CDH13: variants seen among roughly 807,000 people sequenced by gnomAD.
CDH13 encodes the protein cadherin-13.
CDH13 carries 24 observed loss-of-function variants against 63.8 expected under a neutral mutation model. The observed-to-expected ratio is 0.38, with a 90% CI of 0.27 to 0.53. The LOEUF is 0.53. Ranked by LOEUF, CDH13 falls within the 20% of genes least tolerant of loss-of-function variation. The probability of loss-of-function intolerance (pLI) is 0.85; values close to 1 mark genes in which losing one functional copy is unlikely to be tolerated. For missense variants in CDH13, 1,049 were observed against 903.1 expected (o/e 1.16, Z -2.07); for synonymous variants, 503 against 355.3 (o/e 1.42, Z -4.67).
chr16:83,012,909 T>C (rs1220384874), intron 2 of CDH13, among the ~76,000 whole-genome samples: 1 of 152,182 alleles, frequency 6.6e-6, no homozygotes, highest in Non-Finnish European at 1.5e-5. Flanking sequence ...TTAAAGGCAA[T>C]ACAATACACA....
intron 1 of CDH13, among the ~76,000 whole-genome samples, chr16:82,710,233 T>C (rs1434071110): frequency 6.8e-6 from 1 of 146,680 alleles, no homozygotes; most frequent in East Asian, 1.9e-4. Context: ...ATTCATAAAT[T>C]TATATATAAA....
chr16:82,783,284 A>C (rs1266368171), intron 1 of CDH13, among the ~76,000 whole-genome samples: 3 of 152,224 alleles, frequency 2.0e-5, no homozygotes, highest in Non-Finnish European at 2.9e-5. Flanking sequence ...TCCATAGCCC[A>C]AGCAAGGCTA....
Position 83,268,354 on chromosome 16 carries a change from T to C in CDH13, c.636+50857T>C, listed in dbSNP as rs564815369. 3.9e-5 allele frequency among the ~76,000 whole-genome samples: 6 copies of C among 152,308 alleles called. No individual in the cohort carries two copies. In the East Asian group the frequency reaches 1.2e-3, roughly 29 times the overall value. ...TGTGTAGCCTGAGGGATCTGGCACA[T>C]CCTTAGTTCTTTTCGCACAAATGCT... On this transcript the variant is annotated intron_variant, in intron 5 of 13. Coordinates refer to ENST00000567109, the MANE Select transcript of CDH13 (RefSeq NM_001257.5).
At position 83,136,230 on chromosome 16, in the gene CDH13, T is replaced by A. The variant is rs541914847; in HGVS notation, c.483+10729T>A. ...TGGGCACGGTGGCTCATGCCTGTAA[T>A]CCCAGCACTTTGGGAGGCCGAGGCA... is the stretch of plus-strand genomic sequence containing the variant. On this transcript the variant is annotated intron_variant, in intron 4 of 13. Coordinates refer to ENST00000567109, the MANE Select transcript of CDH13 (RefSeq NM_001257.5). Among the ~76,000 whole-genome samples the A allele has an allele frequency of 6.0e-5, 9 of 149,992 alleles. No homozygotes were observed. The East Asian group carries it at 1.8e-3, about 30-fold the overall frequency.
At chr16:82,701,481 A>G (rs1221873194) in intron 1 of CDH13, among the ~76,000 whole-genome samples, 1 of 152,178 alleles carries the variant, frequency 6.6e-6, no homozygotes, top group African/African-American at 2.4e-5. Flanking sequence ...CTTTCAGGGA[A>G]AAGAAAGGAG....
intron 7 of CDH13, among the ~76,000 whole-genome samples, chr16:83,528,566 A>G (rs1178934348): frequency 3.3e-5 from 5 of 152,188 alleles, no homozygotes; most frequent in Admixed American, 6.5e-5. Flanking sequence ...TATATATTAC[A>G]TAAATCTTAT....
rs59255073 is a variant in CDH13, at chr16:83,349,581, CATTATT to C, written c.781+4599_781+4604del. 2.0e-3 allele frequency among the ~76,000 whole-genome samples: 287 copies of C among 144,854 alleles called. 2 individuals are homozygous for C. Among genetic ancestry groups the C allele is most frequent in the African/African-American group, 6.7e-3 (267 of 39,824 alleles). On this transcript the variant is annotated intron_variant, in intron 6 of 13. Transcript: ENST00000567109. ...AAAGGAAGTCAGACAACTTGAGGTG[CATTATT>C]ATTATTATTATTATTATTATTATCA...
At chr16:83,589,379 A>C (rs1335206379) in intron 7 of CDH13, among the ~76,000 whole-genome samples, 1 of 124,082 alleles carries the variant, frequency 8.1e-6, no homozygotes, top group African/African-American at 3.0e-5. Flanking sequence ...CCTCTCCCCC[A>C]ACACCATCTT....
At chr16:82,642,091 CAAAA>C (rs373359175) in intron 1 of CDH13, among the ~76,000 whole-genome samples, 6 of 110,444 alleles carry the variant, frequency 5.4e-5, no homozygotes, top group Admixed American at 9.7e-5. Context: ...TCATGGAGGG[CAAAA>C]AAAAAAAAAA....
At chr16:83,363,556 T>A (rs1335393648) in intron 6 of CDH13, among the ~76,000 whole-genome samples, 1 of 152,202 alleles carries the variant, frequency 6.6e-6, no homozygotes. Flanking sequence ...GTGAGAGGCA[T>A]CACTGAAATG....
intron 5 of CDH13, among the ~76,000 whole-genome samples, chr16:83,290,556 A>G (rs901689007): frequency 2.6e-5 from 4 of 152,118 alleles, no homozygotes; most frequent in African/African-American, 9.7e-5. Flanking sequence ...CTCATGTGGG[A>G]CTATGAGTTC....
chr16:83,427,476 G>C (rs1384433319), intron 6 of CDH13, among the ~76,000 whole-genome samples: 2 of 152,110 alleles, frequency 1.3e-5, no homozygotes, highest in African/African-American at 4.8e-5. Context: ...GCCTCCTGAA[G>C]GTACCAGCCC....
intron 5 of CDH13, among the ~76,000 whole-genome samples, chr16:83,232,227 T>TTTAAAA (rs3049884): frequency 8.9e-5 from 6 of 67,626 alleles, no homozygotes; most frequent in African/African-American, 3.2e-4. Flanking sequence ...TTTTTTTTTT[T>TTTAAAA]AAAAAAAAAA....
intron 13 of CDH13, among the ~76,000 whole-genome samples, chr16:83,793,841 G>A (rs1398952903): frequency 1.3e-5 from 2 of 151,662 alleles, no homozygotes; most frequent in Non-Finnish European, 2.9e-5. Context: ...TTTCTCAGAT[G>A]TGACTCAGTG....
chr16:83,176,130 G>C (rs536769575), intron 4 of CDH13, among the ~76,000 whole-genome samples: 2 of 151,574 alleles, frequency 1.3e-5, no homozygotes, highest in African/African-American at 4.8e-5. Context: ...GATTACAGGC[G>C]TGAGCTACCA....
At chr16:82,990,954 C>T (rs1409018760) in intron 2 of CDH13, among the ~76,000 whole-genome samples, 1 of 152,160 alleles carries the variant, frequency 6.6e-6, no homozygotes. Context: ...TAATCAATGG[C>T]TCTGGTTTGA....
chr16:82,790,374 G>C (rs1454088582), intron 1 of CDH13, among the ~76,000 whole-genome samples: 1 of 152,140 alleles, frequency 6.6e-6, no homozygotes, highest in Non-Finnish European at 1.5e-5. Context: ...GGCAGAGGTT[G>C]CAGTGAGCCA....
At chr16:82,765,987 A>C (rs895281633) in intron 1 of CDH13, among the ~76,000 whole-genome samples, 1 of 152,160 alleles carries the variant, frequency 6.6e-6, no homozygotes, top group African/African-American at 2.4e-5. Flanking sequence ...TGCTACCCCA[A>C]AGTCCAAGCT....
chr16:82,698,070 G>A (rs1158623413), intron 1 of CDH13, among the ~76,000 whole-genome samples: 1 of 152,158 alleles, frequency 6.6e-6, no homozygotes, highest in Admixed American at 6.5e-5. Flanking sequence ...ATGAATGAAT[G>A]AATGAGTGGA....
Sources: gnomAD v4.1 joint callset for allele counts (sites outside exome capture counted in the v4.1 genomes callset) on GRCh38, gnomAD v4.1.1 for gene constraint, MANE v1.5 for transcripts, NCBI Gene and HGNC (gene_info 2026-07-23, HGNC 2026-07-21) for gene names.